Variants in GMDS observed in about 807,000 individuals in gnomAD.
GMDS encodes GDP-mannose 4,6-dehydratase, also known as GDP-mannose 4,6 dehydratase.
In GMDS, 20 loss-of-function variants were observed where a neutral mutation model predicts 49.9. The observed-to-expected ratio is 0.40, with a 90% confidence interval of 0.28 to 0.58. The LOEUF is 0.58. GMDS is among the 20% of genes least tolerant of loss of function. The pLI, the probability that GMDS is intolerant of heterozygous loss-of-function variation, is 0.42. For synonymous variants in GMDS, 177 were observed against 178.6 expected, an observed-to-expected ratio of 0.99 and a Z score of 0.07; for missense variants, 362 against 481.4, an observed-to-expected ratio of 0.75 and a Z score of 2.32.
intron 7 of GMDS, among the ~76,000 whole-genome samples, chr6:1,878,618 G>A (rs967265511): frequency 2.0e-5 from 3 of 152,120 alleles, no homozygotes; most frequent in African/African-American, 7.2e-5. Flanking sequence ...ATTTACAGAA[G>A]TGTGAGGTGC....
At chr6:2,224,587 G>A (rs941940411) in intron 1 of GMDS, among the ~76,000 whole-genome samples, 13 of 152,162 alleles carry the variant, frequency 8.5e-5, no homozygotes, top group African/African-American at 2.4e-4. Context: ...TTATAGGAGC[G>A]AAGATCAGTG....
intron 4 of GMDS, among the ~76,000 whole-genome samples, chr6:2,105,181 C>CA (rs530164439): frequency 0.065 from 4,107 of 63,474 alleles, 241 homozygotes; most frequent in African/African-American, 0.11. Context: ...GACTCCGTCT[C>CA]AAAAAAAAAA....
intron 1 of GMDS, among the ~76,000 whole-genome samples, chr6:2,141,471 G>A (rs762517050): frequency 1.7e-4 from 26 of 152,182 alleles, no homozygotes; most frequent in Non-Finnish European, 3.7e-4. Context: ...AATAACCTGC[G>A]TAGCACAGGC....
chr6:1,790,492 C>G (rs1769494451), intron 7 of GMDS, among the ~76,000 whole-genome samples: 1 of 152,180 alleles, frequency 6.6e-6, no homozygotes, highest in Non-Finnish European at 1.5e-5. Context: ...AGCACCTAAA[C>G]TCGTAGCTGC....
At chr6:2,237,555 T>C (rs1182512220) in intron 1 of GMDS, among the ~76,000 whole-genome samples, 2 of 143,442 alleles carry the variant, frequency 1.4e-5, no homozygotes, top group Non-Finnish European at 3.0e-5. Context: ...AAAGTCTCGC[T>C]CTGTCACCCA....
chr6:2,150,433 A>C (rs937722237), intron 1 of GMDS, among the ~76,000 whole-genome samples: 1 of 152,204 alleles, frequency 6.6e-6, no homozygotes, highest in African/African-American at 2.4e-5. Context: ...CACTAAGTGG[A>C]ATGCCTCTGG....
At position 1,766,533 on chromosome 6, in the gene GMDS, T is replaced by TTTC. The variant is rs761910475; in HGVS notation, c.772-23948_772-23947insGAA. Among the ~76,000 whole-genome samples the TTTC allele has an allele frequency of 2.0e-5, 3 of 152,216 alleles. No homozygotes were observed. Among genetic ancestry groups the TTTC allele is most frequent in the Non-Finnish European group, 2.9e-5 (2 of 68,042 alleles). ...TTTCTAATGAACAAAGTCGCTTACT[T>TTTC]TGAAAAGTGATTTCTCTCTTGTGTA... is the stretch of plus-strand genomic sequence containing the variant. On this transcript the variant is annotated intron_variant, in intron 7 of 10. Coordinates refer to ENST00000380815, the MANE Select transcript of GMDS (RefSeq NM_001500.4). This position sits in a 1 kb window ranked among gnomAD's most constrained non-coding sequence, Gnocchi z 4.5.
intron 9 of GMDS, among the ~76,000 whole-genome samples, chr6:1,650,308 A>G (rs1225137549): frequency 7.1e-6 from 1 of 141,194 alleles, no homozygotes; most frequent in Non-Finnish European, 1.6e-5. Context: ...CATGCCCAGG[A>G]AAAAAAAAAC....
intron 9 of GMDS, among the ~76,000 whole-genome samples, chr6:1,708,032 G>T (rs1765801253): frequency 6.6e-6 from 1 of 152,104 alleles, no homozygotes; most frequent in African/African-American, 2.4e-5. Context: ...GTAAGGTAAG[G>T]TATAAATAAA....
intron 1 of GMDS, among the ~76,000 whole-genome samples, chr6:2,193,718 CTATT>C (rs1779154567): frequency 7.2e-6 from 1 of 139,564 alleles, no homozygotes; most frequent in African/African-American, 3.0e-5. Context: ...AGTGAAAATG[CTATT>C]TTTTTTTTTT....
chr6:2,210,214 T>G (rs563727369), intron 1 of GMDS, among the ~76,000 whole-genome samples: 1 of 152,282 alleles, frequency 6.6e-6, no homozygotes, highest in Non-Finnish European at 1.5e-5. Flanking sequence ...AGTGCCCAGT[T>G]AGCATCCCAG....
chr6:2,108,301 A>T (rs964533161), intron 4 of GMDS, among the ~76,000 whole-genome samples: 3 of 152,182 alleles, frequency 2.0e-5, no homozygotes, highest in African/African-American at 7.2e-5. Flanking sequence ...AATTGTAGCA[A>T]ATATTATTTG....
At chr6:1,680,003 G>A (rs1764738245) in intron 9 of GMDS, 2 of 152,190 alleles carry the variant, frequency 1.3e-5, no homozygotes, top group Admixed American at 1.3e-4. Context: ...GGATGTCACA[G>A]CCTGGATAAG....
intron 7 of GMDS, among the ~76,000 whole-genome samples, chr6:1,840,002 T>A (rs938602074): frequency 6.6e-6 from 1 of 152,222 alleles, no homozygotes; most frequent in Admixed American, 6.5e-5. Flanking sequence ...TTATTTAAAT[T>A]TCCTTGAGGT....
At chr6:1,973,179 G>A (rs1764713752) in intron 4 of GMDS, among the ~76,000 whole-genome samples, 1 of 152,168 alleles carries the variant, frequency 6.6e-6, no homozygotes, top group Non-Finnish European at 1.5e-5. Context: ...TTGCTCAATG[G>A]TTTGGGTCAT....
chr6:1,937,791 A>C (rs1762621232), intron 6 of GMDS, among the ~76,000 whole-genome samples: 1 of 152,242 alleles, frequency 6.6e-6, no homozygotes, highest in Admixed American at 6.5e-5. Context: ...CTCATTTCCA[A>C]ATAAGGTCAC....
intron 7 of GMDS, among the ~76,000 whole-genome samples, chr6:1,828,577 T>C (rs1771228463): frequency 6.6e-6 from 1 of 152,184 alleles, no homozygotes; most frequent in Non-Finnish European, 1.5e-5. Context: ...GGATCTTCAA[T>C]ATGATTATCA....
intron 7 of GMDS, among the ~76,000 whole-genome samples, chr6:1,913,959 G>A (rs1300338456): frequency 6.6e-6 from 1 of 152,004 alleles, no homozygotes; most frequent in East Asian, 1.9e-4. Flanking sequence ...ATGTACGGGG[G>A]GAAAGGAAAA....
At chr6:2,197,583 A>G (rs928285596) in intron 1 of GMDS, among the ~76,000 whole-genome samples, 3 of 152,216 alleles carry the variant, frequency 2.0e-5, no homozygotes, top group South Asian at 4.1e-4. Flanking sequence ...TTCACAAGGG[A>G]GCACTGCACT....
Sources: allele counts gnomAD v4.1 joint callset (sites outside exome capture counted in the v4.1 genomes callset), GRCh38; gene constraint gnomAD v4.1.1; non-coding constraint Gnocchi (gnomAD v3.1); transcripts MANE v1.5; gene names NCBI Gene and HGNC (gene_info 2026-07-23, HGNC 2026-07-21).